The following WDR20 variants were observed in gnomAD, a reference collection of about 807,000 sequenced individuals.
WDR20 encodes the protein WD repeat-containing protein 20.
WDR20 carries 3 observed loss-of-function variants against 38.7 expected under a neutral mutation model. The observed-to-expected ratio is 0.08, with a 90% CI of 0.04 to 0.20. WDR20 has a LOEUF of 0.20. Among genes scored for constraint, WDR20 ranks in the 10% least tolerant of loss-of-function variants. The pLI, the probability that WDR20 is intolerant of heterozygous loss-of-function variation, is 1.00. For missense variants in WDR20, 559 were observed against 727.7 expected (o/e 0.77, Z 2.67); for synonymous variants, 298 against 285.6 (o/e 1.04, Z -0.44).
chr14:102,160,254 T>A (rs2058340802), intron 1 of WDR20, among the ~76,000 whole-genome samples: 1 of 152,180 alleles, frequency 6.6e-6, no homozygotes, highest in African/African-American at 2.4e-5. Flanking sequence ...TTTTAAAATT[T>A]AATTTTATAT....
intron 2 of WDR20, among the ~76,000 whole-genome samples, chr14:102,197,152 A>T (rs1257920049): frequency 5.3e-5 from 8 of 152,188 alleles, no homozygotes; most frequent in Admixed American, 5.2e-4. Context: ...CAGATGAGGA[A>T]ATAGTCAAAG....
intron 1 of WDR20, among the ~76,000 whole-genome samples, chr14:102,170,494 A>G (rs927706049): frequency 2.0e-5 from 3 of 152,196 alleles, no homozygotes; most frequent in South Asian, 2.1e-4. Flanking sequence ...GAAAGATGGT[A>G]TAACACTAGA....
chr14:102,212,719 A>G (rs1033273544), downstream of WDR20: 8 of 1,476,606 alleles, frequency 5.4e-6, no homozygotes, highest in African/African-American at 1.4e-5. Context: ...GGTTCCTGAT[A>G]TCAGGTGTGT....
At chr14:102,161,472 C>T (rs897268745) in intron 1 of WDR20, among the ~76,000 whole-genome samples, 5 of 151,764 alleles carry the variant, frequency 3.3e-5, no homozygotes, top group Non-Finnish European at 7.4e-5. Flanking sequence ...AGCCACTGTG[C>T]TCGTTTAATT....
rs1181527891 is a variant in WDR20, at chr14:102,208,216, A to G, written c.433-387A>G. The stretch of plus-strand genomic sequence containing the variant: ...AGGCTTCACCTGCAGGTCCTCGTAG[A>G]GGGGATACCACATGCAGATGCAGTG... On this transcript the variant is annotated intron_variant, in intron 2 of 2. Transcript: ENST00000342702. This position sits in a 1 kb window ranked among gnomAD's most constrained non-coding sequence, Gnocchi z 5.6. Among the ~76,000 whole-genome samples the G allele has an allele frequency of 3.3e-5, 5 of 152,194 alleles. No homozygotes were observed. Among genetic ancestry groups the G allele is most frequent in the African/African-American group, 1.2e-4 (5 of 41,464 alleles).
downstream of WDR20, chr14:102,212,969 G>A (rs554010168): frequency 8.9e-6 from 9 of 1,006,576 alleles, no homozygotes; most frequent in African/African-American, 1.5e-4. Flanking sequence ...AGAGATGAAA[G>A]GCTCAGACGA....
intron 2 of WDR20, among the ~76,000 whole-genome samples, chr14:102,205,116 G>T (rs1323081585): frequency 6.6e-6 from 1 of 152,136 alleles, no homozygotes; most frequent in African/African-American, 2.4e-5. Flanking sequence ...TTAATCAGCT[G>T]GGTGTGGCGA....
chr14:102,224,208 A>G (rs1458805970), downstream of WDR20, among the ~76,000 whole-genome samples: 1 of 151,628 alleles, frequency 6.6e-6, no homozygotes, highest in Admixed American at 6.6e-5. Flanking sequence ...CGCCCGGCTA[A>G]TTTTTGTATT....
At chr14:102,224,566 A>G (rs1475461049), downstream of WDR20, 2 of 455,966 alleles carry the variant, frequency 4.4e-6, no homozygotes, top group African/African-American at 4.0e-5. Context: ...TCTCTAATTC[A>G]TCACATTAAA....
chr14:102,223,011 G>A, exon 4 of WDR20: 1 of 1,127,100 alleles, frequency 8.9e-7, no homozygotes, highest in Non-Finnish European at 1.3e-6. Context: ...CGATAGCCGT[G>A]TGGACGGTGA....
In WDR20 at chr14:102,207,485, G is replaced by A. The variant is rs892662070; in HGVS notation, c.433-1118G>A. Among the ~76,000 whole-genome samples the A allele has an allele frequency of 2.6e-5, 4 of 152,232 alleles. No homozygotes were observed. The highest frequency in any genetic ancestry group is 9.6e-5 in the African/African-American group (4 of 41,474). ...TGCCCAGTACCCCTCTGAGACTTGAGTCAGGGACTCCCCACCTGTTAGGTG... is the reference window on the plus strand; with the variant it reads ...TGCCCAGTACCCCTCTGAGACTTGAATCAGGGACTCCCCACCTGTTAGGTG... On this transcript the variant is annotated intron_variant, in intron 2 of 2. Coordinates refer to ENST00000342702, the MANE Select transcript of WDR20 (RefSeq NM_144574.4). The surrounding 1 kb of genome is among the most constrained non-coding windows in gnomAD (Gnocchi z 5.0).
chr14:102,218,984 G>A (rs2063565871), downstream of WDR20, among the ~76,000 whole-genome samples: 1 of 152,206 alleles, frequency 6.6e-6, no homozygotes, highest in South Asian at 2.1e-4. Flanking sequence ...GAAGCAGAAG[G>A]ACAGGGTAAA....
chr14:102,172,551 C>T (rs1207378169), intron 1 of WDR20, among the ~76,000 whole-genome samples: 27 of 147,328 alleles, frequency 1.8e-4, no homozygotes, highest in African/African-American at 6.4e-4. Context: ...CCCCCCACCT[C>T]CCTCCCGGAC....
At chr14:102,195,469 A>G (rs2059256572) in intron 2 of WDR20, among the ~76,000 whole-genome samples, 1 of 152,270 alleles carries the variant, frequency 6.6e-6, no homozygotes, top group Non-Finnish European at 1.5e-5. Context: ...AGAACATTTC[A>G]TGCAGATCAA....
In WDR20 at chr14:102,210,045, T is replaced by G. The variant is rs1178291280; in HGVS notation, c.*165T>G. 7.1e-7 allele frequency: 1 copy of G among 1,407,406 alleles called. No individual in the cohort carries two copies. The highest frequency in any genetic ancestry group is 1.4e-5 in the African/African-American group (1 of 69,152). The allele number at this position is 1,407,406 out of a possible 1,614,324, so 87.2% of individuals were successfully genotyped here. On this transcript the variant is annotated 3_prime_UTR_variant, in exon 3 of 3. Transcript: ENST00000342702. Reference sequence around the variant, plus strand: ...GCATGCCATGTAATTCTGAATCATTTGATAATTTACCTTAGAGCATTTAAA... The same window carrying G: ...GCATGCCATGTAATTCTGAATCATTGGATAATTTACCTTAGAGCATTTAAA...
downstream of WDR20, among the ~76,000 whole-genome samples, chr14:102,211,621 A>G (rs938663084): frequency 1.2e-4 from 18 of 152,154 alleles, no homozygotes; most frequent in Non-Finnish European, 2.4e-4. The surrounding 1 kb of genome is among the most constrained non-coding windows in gnomAD (Gnocchi z 4.2). Flanking sequence ...CTACCTGTGG[A>G]ATACGGGCCT....
At chr14:102,216,171 G>T (rs1051529537), downstream of WDR20, among the ~76,000 whole-genome samples, 5 of 152,208 alleles carry the variant, frequency 3.3e-5, no homozygotes, top group African/African-American at 1.2e-4. Flanking sequence ...CTCCAGTGCT[G>T]AACTATCTGC....
chr14:102,162,818 C>A (rs2059031124), intron 1 of WDR20, among the ~76,000 whole-genome samples: 1 of 152,036 alleles, frequency 6.6e-6, no homozygotes, highest in South Asian at 2.1e-4. Context: ...TGCCGTGTAG[C>A]CCAGGCTGGT....
downstream of WDR20, among the ~76,000 whole-genome samples, chr14:102,219,567 C>T (rs2063644916): frequency 6.6e-6 from 1 of 152,218 alleles, no homozygotes; most frequent in South Asian, 2.1e-4. Flanking sequence ...GCTTCGCCTT[C>T]CGGTTAACTC....
Sources: allele counts gnomAD v4.1 joint callset (sites outside exome capture counted in the v4.1 genomes callset), GRCh38; gene constraint gnomAD v4.1.1; non-coding constraint Gnocchi (gnomAD v3.1); transcripts MANE v1.5; gene names NCBI Gene and HGNC (gene_info 2026-07-23, HGNC 2026-07-21).